Variants in DHX8 observed in about 807,000 individuals in gnomAD.
DHX8 encodes the protein ATP-dependent RNA helicase DHX8.
DHX8 carries 67 observed loss-of-function variants against 140.7 expected under a neutral mutation model. That is an observed-to-expected ratio of 0.48 (90% CI 0.39 to 0.58). DHX8 has a LOEUF of 0.58. Among genes scored for constraint, DHX8 ranks in the 20% least tolerant of loss-of-function variants. DHX8 has a pLI of 0.00. For synonymous variants in DHX8, 533 were observed against 553.2 expected (o/e 0.96, Z 0.51); for missense variants, 887 against 1,550.7 (o/e 0.57, Z 7.19).
chr17:43,511,127 C>A (rs188832979), intron 16 of DHX8, among the ~76,000 whole-genome samples: 4 of 152,080 alleles, frequency 2.6e-5, no homozygotes, highest in Non-Finnish European at 5.9e-5. Context: ...GTCAGGAGTT[C>A]AAGACCAGCC....
At chr17:43,533,189 A>G (rs757784609) in intron 2 of DHX8, 9 of 1,612,658 alleles carry the variant, frequency 5.6e-6, no homozygotes, top group Non-Finnish European at 7.6e-6. Context: ...CTCCTTACCT[A>G]TGTTCCCCGA....
rs111857150 is a variant in DHX8 at position 43,500,943 on chromosome 17, C to T, written c.1546+840C>T. ...AATTTTTATTCTAAAGGTAATACAG[C>T]TTTGAAGCTTCCTTTTTCATATAAT... On this transcript the variant is annotated intron_variant, in intron 11 of 22. Coordinates refer to ENST00000262415, the MANE Select transcript of DHX8 (RefSeq NM_004941.3). Among the ~76,000 whole-genome samples, 20 of 152,066 alleles carry T rather than the reference C, an allele frequency of 1.3e-4. 1 individual carries two copies. The highest frequency in any genetic ancestry group is 4.3e-4 in the African/African-American group (18 of 41,480).
intron 3 of DHX8, among the ~76,000 whole-genome samples, chr17:43,542,162 C>T (rs372042952): frequency 4.1e-4 from 62 of 152,200 alleles, no homozygotes; most frequent in East Asian, 2.7e-3. Context: ...AAAAGGGGAG[C>T]GCAGATCGAT....
At chr17:43,506,951 A>G in intron 12 of DHX8, 52 bp from the exon 13 acceptor site, 2 of 1,383,474 alleles carry the variant, frequency 1.4e-6, no homozygotes, top group South Asian at 1.4e-5. Flanking sequence ...TAATGACCAT[A>G]TTTATATTCT....
chr17:43,517,334 T>C lies in DHX8; in HGVS notation c.2799+12T>C. On this transcript the variant is annotated intron_variant, in intron 18 of 22. Coordinates refer to ENST00000262415, the MANE Select transcript of DHX8 (RefSeq NM_004941.3). ...TGCTGTCACTCAAGGTAGAAATCAC[T>C]GTCTTGTTAAAATGGGTTGGTGGAA... 1.2e-6 allele frequency: 2 copies of C among 1,612,460 alleles called. No individual in the cohort carries two copies. The highest frequency in any genetic ancestry group is 1.7e-6 in the Non-Finnish European group (2 of 1,179,246).
intron 2 of DHX8, among the ~76,000 whole-genome samples, chr17:43,535,235 C>T (rs891784840): frequency 1.3e-5 from 2 of 152,150 alleles, no homozygotes; most frequent in Non-Finnish European, 2.9e-5. Flanking sequence ...CTGGTGAAGA[C>T]AGTTGACAGC....
intron 2 of DHX8, among the ~76,000 whole-genome samples, chr17:43,534,247 GC>G (rs1971114757): frequency 6.6e-6 from 1 of 152,182 alleles, no homozygotes; most frequent in African/African-American, 2.4e-5. Flanking sequence ...GGGCACGGTA[GC>G]TCACACCTGT....
chr17:43,505,301 C>G (rs1969426563), intron 12 of DHX8, among the ~76,000 whole-genome samples: 1 of 152,078 alleles, frequency 6.6e-6, no homozygotes, highest in African/African-American at 2.4e-5. Context: ...CCCAGCTACT[C>G]TGGAGTCTGA....
chr17:43,495,610 G>T (rs1240910506), intron 8 of DHX8, among the ~76,000 whole-genome samples: 1 of 152,186 alleles, frequency 6.6e-6, no homozygotes, highest in Non-Finnish European at 1.5e-5. Context: ...CCAGAGTGCT[G>T]TGGAAACAAG....
intron 3 of DHX8, among the ~76,000 whole-genome samples, chr17:43,543,090 TC>T (rs952902719): frequency 2.0e-5 from 3 of 150,726 alleles, no homozygotes; most frequent in East Asian, 3.9e-4. Context: ...GGCCTCAGCA[TC>T]CCCCCCTCAG....
At chr17:43,536,644 C>A in intron 3 of DHX8, 1 of 610,570 alleles carries the variant, frequency 1.6e-6, no homozygotes, top group Admixed American at 2.9e-5. Context: ...ACATAAAATA[C>A]ACAAATACAC....
Position 43,484,043 on chromosome 17 carries a change from T to C in DHX8, c.6T>C (p.Ala2=). 5.6e-6 allele frequency: 9 copies of C among 1,613,998 alleles called. No individual in the cohort carries two copies. The highest frequency in any genetic ancestry group is 6.8e-6 in the Non-Finnish European group (8 of 1,179,894). Residue 2 remains alanine (A), a synonymous_variant, in exon 1 of 23, where the codon GCT becomes GCC. Transcript: ENST00000262415. M[A]VAVAMAGALI... ...GTTCTGGGCAAGCTATAGCCATGGC[T>C]GTGGCTGTAGCCATGGCGGGAGCCT... is the stretch of plus-strand genomic sequence containing the variant.
At chr17:43,534,745 G>A (rs573860330) in intron 2 of DHX8, among the ~76,000 whole-genome samples, 1 of 152,050 alleles carries the variant, frequency 6.6e-6, no homozygotes, top group Non-Finnish European at 1.5e-5. Context: ...TTCAAGACCA[G>A]CCTGACCAAC....
intron 2 of DHX8, chr17:43,536,200 A>G (rs1971235575): frequency 1.8e-6 from 1 of 565,902 alleles, no homozygotes; most frequent in Non-Finnish European, 3.2e-6. Flanking sequence ...ATATAAGGCA[A>G]TGGAGAACCA....
intron 12 of DHX8, among the ~76,000 whole-genome samples, chr17:43,506,129 A>T (rs764711421): frequency 6.6e-6 from 1 of 151,810 alleles, no homozygotes; most frequent in Non-Finnish European, 1.5e-5. Flanking sequence ...TCAGACTCCC[A>T]AGTAGATGGG....
chr17:43,494,150 C>A (rs1418997878), intron 8 of DHX8, among the ~76,000 whole-genome samples: 1 of 152,150 alleles, frequency 6.6e-6, no homozygotes, highest in Non-Finnish European at 1.5e-5. Context: ...GACAAGAGAG[C>A]TTGTGCAGGG....
intron 2 of DHX8, chr17:43,536,299 G>T: frequency 1.2e-6 from 1 of 814,954 alleles, no homozygotes; most frequent in Non-Finnish European, 2.1e-6. Context: ...TATTGCCTTG[G>T]TCTTTAAGAT....
At chr17:43,513,308 A>G in intron 16 of DHX8, 54 bp from the exon 17 acceptor site, 1 of 1,551,992 alleles carries the variant, frequency 6.4e-7, no homozygotes, top group South Asian at 1.2e-5. Flanking sequence ...ACCTTTTCAC[A>G]CCTCAGGGCT....
At chr17:43,493,399 A>G in intron 6 of DHX8, 46 bp from the exon 7 acceptor site, 2 of 1,596,454 alleles carry the variant, frequency 1.3e-6, no homozygotes, top group East Asian at 2.2e-5. Context: ...TGGTTGGGGG[A>G]AAAATATTTT....
Sources: gnomAD v4.1 joint callset for allele counts (sites outside exome capture counted in the v4.1 genomes callset) on GRCh38, gnomAD v4.1.1 for gene constraint, MANE v1.5 for transcripts, NCBI Gene and HGNC (gene_info 2026-07-23, HGNC 2026-07-21) for gene names.